The following CSNK2A2IP variants were observed in gnomAD, a reference collection of about 807,000 sequenced individuals.
CSNK2A2IP encodes the protein casein kinase 2 subunit alpha' interacting protein, also known as casein kinase II subunit alpha'-interacting protein.
At chr3:88,415,746 C>T in the CSNK2A2IP span, among the ~76,000 whole-genome samples, 29 of 152,010 alleles carry the variant, frequency 1.9e-4, no homozygotes, top group Non-Finnish European at 3.1e-4. Context: ...CTTCAAGAAC[C>T]ACAGTGGTGC....
chr3:88,394,794 T>C, the CSNK2A2IP span, among the ~76,000 whole-genome samples: 1 of 152,220 alleles, frequency 6.6e-6, no homozygotes, highest in African/African-American at 2.4e-5. Context: ...TGGATTATTT[T>C]CTTATTGAGT....
the CSNK2A2IP span, among the ~76,000 whole-genome samples, chr3:88,380,590 G>GA: frequency 6.6e-6 from 1 of 151,698 alleles, no homozygotes; most frequent in Non-Finnish European, 1.5e-5. Flanking sequence ...AACTGTTATA[G>GA]AAAAAACAGC....
At chr3:88,437,321 A>G in the CSNK2A2IP span, among the ~76,000 whole-genome samples, 1 of 152,232 alleles carries the variant, frequency 6.6e-6, no homozygotes, top group Non-Finnish European at 1.5e-5. Flanking sequence ...CTGGAGGGCC[A>G]TTAACAGAGT....
chr3:88,401,893 G>A, the CSNK2A2IP span, among the ~76,000 whole-genome samples: 1 of 152,072 alleles, frequency 6.6e-6, no homozygotes, highest in Non-Finnish European at 1.5e-5. Flanking sequence ...ATTTATGAAA[G>A]TGTAAATTAG....
At chr3:88,362,617 A>ACTGCCTGGCTGCTC in the CSNK2A2IP span, among the ~76,000 whole-genome samples, 12 of 152,192 alleles carry the variant, frequency 7.9e-5, no homozygotes, top group African/African-American at 2.7e-4. Flanking sequence ...CATGGCTGCT[A>ACTGCCTGGCTGCTC]CTGCCTGGCT....
chr3:88,390,935 G>T, the CSNK2A2IP span, among the ~76,000 whole-genome samples: 1 of 152,026 alleles, frequency 6.6e-6, no homozygotes, highest in African/African-American at 2.4e-5. Flanking sequence ...AAAAACATTG[G>T]CGCTTATTTA....
chr3:88,338,932 T>C, the CSNK2A2IP span, among the ~76,000 whole-genome samples: 1 of 152,110 alleles, frequency 6.6e-6, no homozygotes, highest in African/African-American at 2.4e-5. Flanking sequence ...TTTATTATTA[T>C]GGGTACATAA....
chr3:88,401,712 G>C, the CSNK2A2IP span, among the ~76,000 whole-genome samples: 564 of 152,172 alleles, frequency 3.7e-3, 2 homozygotes, highest in African/African-American at 0.013. Context: ...TCAGTGGGAA[G>C]TTATAATCTT....
the CSNK2A2IP span, among the ~76,000 whole-genome samples, chr3:88,404,931 G>C: frequency 6.6e-6 from 1 of 152,084 alleles, no homozygotes; most frequent in African/African-American, 2.4e-5. Context: ...AGAACCCCCT[G>C]TTCCTGATAT....
the CSNK2A2IP span, chr3:88,338,506 C>T: frequency 6.6e-6 from 1 of 152,104 alleles, no homozygotes; most frequent in Non-Finnish European, 1.5e-5. Context: ...TTAAGGCTCT[C>T]ATGTCATCAA....
chr3:88,457,548 T>C, the CSNK2A2IP span, among the ~76,000 whole-genome samples: 1 of 151,746 alleles, frequency 6.6e-6, no homozygotes, highest in South Asian at 2.1e-4. Flanking sequence ...ATATAAAAAA[T>C]TAGCTGGGCA....
the CSNK2A2IP span, among the ~76,000 whole-genome samples, chr3:88,389,669 G>C: frequency 6.6e-6 from 1 of 152,192 alleles, no homozygotes; most frequent in African/African-American, 2.4e-5. Flanking sequence ...CCAGGTTGGA[G>C]CTTCTCGTGG....
the CSNK2A2IP span, among the ~76,000 whole-genome samples, chr3:88,352,961 T>C: frequency 6.6e-6 from 1 of 152,170 alleles, no homozygotes; most frequent in Non-Finnish European, 1.5e-5. Flanking sequence ...TAATAAATTC[T>C]ACCAGCTTAG....
At chr3:88,423,666 C>G in the CSNK2A2IP span, among the ~76,000 whole-genome samples, 1 of 152,092 alleles carries the variant, frequency 6.6e-6, no homozygotes, top group Non-Finnish European at 1.5e-5. Context: ...CCTTCAGTCC[C>G]CACTCTTACC....
chr3:88,358,044 A>G, the CSNK2A2IP span, among the ~76,000 whole-genome samples: 1 of 151,920 alleles, frequency 6.6e-6, no homozygotes, highest in African/African-American at 2.4e-5. Flanking sequence ...CATTGTAGAG[A>G]TTTTTCACTT....
the CSNK2A2IP span, among the ~76,000 whole-genome samples, chr3:88,454,747 A>C: frequency 6.6e-6 from 1 of 151,982 alleles, no homozygotes; most frequent in Admixed American, 6.6e-5. Context: ...TAACAAAGCT[A>C]ATTAGCATAT....
the CSNK2A2IP span, among the ~76,000 whole-genome samples, chr3:88,458,485 A>G: frequency 6.6e-6 from 1 of 151,980 alleles, no homozygotes; most frequent in East Asian, 1.9e-4. Flanking sequence ...GTATGGCCAA[A>G]TGTTTTCAAT....
the CSNK2A2IP span, among the ~76,000 whole-genome samples, chr3:88,459,681 T>C: frequency 6.6e-6 from 1 of 152,134 alleles, no homozygotes; most frequent in Non-Finnish European, 1.5e-5. Context: ...GTGAATAGTT[T>C]GTTTTTGCTT....
the CSNK2A2IP span, among the ~76,000 whole-genome samples, chr3:88,439,612 C>T: frequency 0.092 from 13,858 of 151,416 alleles, 1,150 homozygotes; most frequent in Admixed American, 0.28. Flanking sequence ...CATGGTGGTG[C>T]GCACCTGTAA....
Sources: gnomAD v4.1 joint callset for allele counts (sites outside exome capture counted in the v4.1 genomes callset) on GRCh38, gnomAD v4.1.1 for gene constraint, MANE v1.5 for transcripts, NCBI Gene and HGNC (gene_info 2026-07-23, HGNC 2026-07-21) for gene names.